Variants in EFCAB11 observed in about 807,000 individuals in gnomAD.
EFCAB11 encodes the protein EF-hand calcium binding domain 11.
In EFCAB11, 14 loss-of-function variants were observed where a neutral mutation model predicts 23.0. The ratio of observed to expected loss-of-function variants is 0.61; its 90% CI spans 0.40 to 0.95. The LOEUF is 0.95. Among genes scored for constraint, EFCAB11 ranks in the 40% least tolerant of loss-of-function variants. The pLI is 0.00. For missense variants in EFCAB11, 198 were observed against 195.8 expected (o/e 1.01, Z -0.07); for synonymous variants, 65 against 66.6 (o/e 0.98, Z 0.11).
intron 5 of EFCAB11, among the ~76,000 whole-genome samples, chr14:89,918,538 C>CAA (rs550019506): frequency 3.9e-5 from 4 of 101,966 alleles, no homozygotes; most frequent in Admixed American, 1.1e-4. Context: ...GACTCCATCT[C>CAA]AAAAAAAAAA....
chr14:89,932,300 A>T (rs1190548232), intron 4 of EFCAB11, among the ~76,000 whole-genome samples: 1 of 152,234 alleles, frequency 6.6e-6, no homozygotes, highest in Non-Finnish European at 1.5e-5. Flanking sequence ...TCAAGGTACA[A>T]TATATTAGTA....
chr14:89,926,872 G>C (rs1299723235), intron 5 of EFCAB11, among the ~76,000 whole-genome samples: 1 of 152,170 alleles, frequency 6.6e-6, no homozygotes, highest in Non-Finnish European at 1.5e-5. Flanking sequence ...AAAAGGCCTG[G>C]AGGTGAGCTT....
intron 5 of EFCAB11, among the ~76,000 whole-genome samples, chr14:89,889,247 AG>A (rs1490294006): frequency 6.6e-6 from 1 of 152,208 alleles, no homozygotes; most frequent in Non-Finnish European, 1.5e-5. Context: ...CTTATTCATG[AG>A]GTGAGACAAA....
At chr14:89,918,462 C>T (rs2139781047) in intron 5 of EFCAB11, among the ~76,000 whole-genome samples, 1 of 151,526 alleles carries the variant, frequency 6.6e-6, no homozygotes, top group East Asian at 2.0e-4. Context: ...TCGCTTGAAC[C>T]CAGGAGGTGG....
At chr14:89,818,441 C>T (rs1000106371) in intron 5 of EFCAB11, among the ~76,000 whole-genome samples, 8 of 143,496 alleles carry the variant, frequency 5.6e-5, no homozygotes, top group Non-Finnish European at 7.6e-5. Flanking sequence ...GGAAAGAGGA[C>T]GTAGGGAGAA....
At chr14:89,873,726 C>G (rs1272453047) in intron 5 of EFCAB11, among the ~76,000 whole-genome samples, 2 of 152,206 alleles carry the variant, frequency 1.3e-5, no homozygotes, top group African/African-American at 4.8e-5. Flanking sequence ...CTTAAAACTC[C>G]AAAATGATCT....
intron 3 of EFCAB11, among the ~76,000 whole-genome samples, chr14:89,939,452 G>C (rs1890714056): frequency 6.6e-6 from 1 of 152,168 alleles, no homozygotes; most frequent in African/African-American, 2.4e-5. Flanking sequence ...GCACAGAAGA[G>C]GGTCTCTGAA....
At chr14:89,855,420 G>T (rs4312251) in intron 5 of EFCAB11, among the ~76,000 whole-genome samples, 14 of 151,792 alleles carry the variant, frequency 9.2e-5, no homozygotes, top group Non-Finnish European at 1.6e-4. Flanking sequence ...AGGCTGCAGT[G>T]AGCCATGATC....
chr14:89,806,599 C>T (rs1885977370), intron 5 of EFCAB11, among the ~76,000 whole-genome samples: 1 of 152,138 alleles, frequency 6.6e-6, no homozygotes, highest in African/African-American at 2.4e-5. Context: ...TCCATTCTTC[C>T]CCCCATGCCG....
At chr14:89,908,663 C>A (rs912603757) in intron 5 of EFCAB11, among the ~76,000 whole-genome samples, 1 of 152,188 alleles carries the variant, frequency 6.6e-6, no homozygotes, top group African/African-American at 2.4e-5. Context: ...TGGTCCCAAG[C>A]ACTTTGGATA....
intron 5 of EFCAB11, among the ~76,000 whole-genome samples, chr14:89,847,661 C>G (rs960075924): frequency 2.7e-5 from 4 of 148,328 alleles, no homozygotes; most frequent in Non-Finnish European, 5.9e-5. Flanking sequence ...ATCGCTTGAA[C>G]CTGGGAGGTG....
At chr14:89,903,243 T>C (rs1040670780) in intron 5 of EFCAB11, among the ~76,000 whole-genome samples, 1 of 152,248 alleles carries the variant, frequency 6.6e-6, no homozygotes, top group African/African-American at 2.4e-5. Flanking sequence ...CTAATTATAG[T>C]GAGATATTTT....
intron 5 of EFCAB11, among the ~76,000 whole-genome samples, chr14:89,876,539 T>C (rs1888444266): frequency 6.6e-6 from 1 of 152,148 alleles, no homozygotes. Flanking sequence ...GATAGTCCAT[T>C]TGTAGAGAAT....
intron 1 of EFCAB11, chr14:89,954,380 G>A (rs1484208514): frequency 2.6e-6 from 4 of 1,536,172 alleles, no homozygotes; most frequent in East Asian, 2.4e-5. Context: ...TAGAGAGAAA[G>A]GAGATGGAAC....
intron 5 of EFCAB11, chr14:89,799,238 C>T (rs1266769576): frequency 6.6e-6 from 1 of 152,252 alleles, no homozygotes; most frequent in East Asian, 1.9e-4. Context: ...AATGGCAGGG[C>T]ATCATCATTT....
intron 3 of EFCAB11, 120 bp downstream of exon 3, chr14:89,949,977 C>T (rs1206789068): frequency 3.6e-6 from 4 of 1,111,618 alleles, no homozygotes; most frequent in Non-Finnish European, 2.5e-6. Context: ...ATTCAGTTAC[C>T]TTCCACCAGG....
intron 5 of EFCAB11, among the ~76,000 whole-genome samples, chr14:89,905,288 A>G (rs1159592182): frequency 6.6e-6 from 1 of 152,230 alleles, no homozygotes; most frequent in Non-Finnish European, 1.5e-5. Context: ...ACCCATGCAC[A>G]CGAAGCATGA....
chr14:89,949,250 T>C (rs1210953608), intron 3 of EFCAB11, among the ~76,000 whole-genome samples: 2 of 152,078 alleles, frequency 1.3e-5, no homozygotes, highest in African/African-American at 4.8e-5. Flanking sequence ...CACCTCTCTA[T>C]ATATACACCT....
At chr14:89,876,801 G>A (rs532638595) in intron 5 of EFCAB11, among the ~76,000 whole-genome samples, 1 of 152,254 alleles carries the variant, frequency 6.6e-6, no homozygotes, top group African/African-American at 2.4e-5. Context: ...GTAACTTGGA[G>A]CACCTGCACA....
Sources: gnomAD v4.1 joint callset for allele counts (sites outside exome capture counted in the v4.1 genomes callset) on GRCh38, gnomAD v4.1.1 for gene constraint, MANE v1.5 for transcripts, NCBI Gene and HGNC (gene_info 2026-07-23, HGNC 2026-07-21) for gene names.